The following NLRP2 variants were observed in gnomAD, a reference collection of about 807,000 sequenced individuals.
NLRP2 encodes NACHT, LRR and PYD domains-containing protein 2.
Under a neutral mutation model 97.2 loss-of-function variants are expected in NLRP2, and 107 were observed. The ratio of observed to expected loss-of-function variants is 1.10; its 90% confidence interval spans 0.94 to 1.29. NLRP2 has a LOEUF of 1.29. NLRP2 is among the 50% of genes most tolerant of loss of function. NLRP2 has a pLI of 0.00. For synonymous variants in NLRP2, 663 were observed against 551.5 expected (o/e 1.20, Z -2.83); for missense variants, 1,495 against 1,330.3 (o/e 1.12, Z -1.93).
At chr19:54,971,765 G>C (rs2070867973) in intron 2 of NLRP2, among the ~76,000 whole-genome samples, 1 of 152,024 alleles carries the variant, frequency 6.6e-6, no homozygotes, top group Non-Finnish European at 1.5e-5. Context: ...ACCAATCCTA[G>C]ATCAAAAATA....
chr19:54,982,903 G>A lies in NLRP2; in HGVS notation c.1205G>A (p.Trp402Ter). The A allele has an allele frequency of 1.2e-6, 2 of 1,613,152 alleles. No individual in the cohort carries two copies. Among genetic ancestry groups the A allele is most frequent in the South Asian group, 1.1e-5 (1 of 91,040 alleles). ...CTGGGCTCGGCCCCCGCGGTGTGCT[G>A]GATCGTGTGCACGACTCTGAAGCTG... ...FQLGSAPAVC[W>*]IVCTTLKLQM... Residue 402 changes from tryptophan (W) to a stop codon, truncating the protein, a stop_gained, in exon 6 of 13, where the codon TGG becomes TAG. Transcript: ENST00000448584. LOFTEE classifies it high-confidence loss of function.
intron 5 of NLRP2, 28 bp downstream of exon 5, chr19:54,981,710 C>T: frequency 8.1e-7 from 1 of 1,231,128 alleles, no homozygotes; most frequent in Non-Finnish European, 1.2e-6. Flanking sequence ...CTGCAGGGAG[C>T]TTGGGATCAG....
chr19:54,974,342 C>A, intron 2 of NLRP2, 158 bp from the exon 3 acceptor site: 1 of 709,038 alleles, frequency 1.4e-6, no homozygotes, highest in South Asian at 1.6e-5. Context: ...GAGTGACACT[C>A]TGTCTCAAAA....
In NLRP2 at chr19:54,994,804, T is replaced by G. The variant is rs531107639; in HGVS notation, c.2879+365T>G. 3.2e-4 allele frequency among the ~76,000 whole-genome samples: 49 copies of G among 151,524 alleles called. 1 individual carries two copies. The East Asian group carries it at 9.3e-3, about 29-fold the overall frequency. ...TCTTGTATTTTTAGTAGAGACAGGG[T>G]TTCGCCATGTTGAAGGTTCATCTCA... On this transcript the variant is annotated intron_variant, in intron 11 of 12. Transcript: ENST00000448584.
rs202152161 is a variant in NLRP2, at chr19:54,990,020, A to G, written c.2367-2A>G. ...AATGACGTGGTCCTATTTCTCCCAC[A>G]GGTTGGTGTCTTGTTCCGCTACCAC... On this transcript the variant is annotated splice_acceptor_variant, in intron 8 of 12. Coordinates refer to ENST00000448584, the MANE Select transcript of NLRP2 (RefSeq NM_017852.5). LOFTEE classifies it high-confidence loss of function. 8.1e-6 allele frequency: 13 copies of G among 1,612,500 alleles called. No homozygotes were observed.
chr19:54,982,725 G>A lies in NLRP2; in HGVS notation c.1027G>A (p.Asp343Asn). 1 of 1,614,070 alleles carries A rather than the reference G, an allele frequency of 6.2e-7. No homozygotes were observed. Among genetic ancestry groups the A allele is most frequent in the Non-Finnish European group, 8.5e-7 (1 of 1,179,970 alleles). The change falls in exon 6 of 13, where the codon GAC becomes AAC. Residue 343 changes from aspartate (D) to asparagine (N), a missense_variant. Transcript: ENST00000448584. Reference sequence around the variant, plus strand: ...CACCACGCGGCCCAGGGCCCTGAGGGACCTCCGGATCCTGGCGGAGGAGCC... The same window carrying A: ...CACCACGCGGCCCAGGGCCCTGAGGAACCTCCGGATCCTGGCGGAGGAGCC... ...LVTTRPRALR[D>N]LRILAEEPIY...
intron 12 of NLRP2, among the ~76,000 whole-genome samples, chr19:54,998,639 T>A (rs1377281559): frequency 8.1e-4 from 110 of 135,226 alleles, no homozygotes; most frequent in African/African-American, 3.1e-3. Flanking sequence ...TCCTTTTTTT[T>A]TTTTTTTTTT....
Position 54,982,666 on chromosome 19 carries a change from A to G in NLRP2, c.968A>G (p.Asn323Ser). ...CCCGTCCTCCTGGGGAGTTTGCTGAACAGGGTGATGTTACCCAAGGCCGCC... is the reference window on the plus strand; with the variant it reads ...CCCGTCCTCCTGGGGAGTTTGCTGAGCAGGGTGATGTTACCCAAGGCCGCC... ...PVPVLLGSLL[N>S]RVMLPKAALL... Residue 323 changes from asparagine to serine, a missense_variant, in exon 6 of 13, where the codon AAC (asparagine) becomes AGC (serine). Physicochemically the swap from Asn to Ser is conservative, Grantham distance 46. Transcript: ENST00000448584. 1 of 1,614,144 alleles carries G rather than the reference A, an allele frequency of 6.2e-7. No individual in the cohort carries two copies. The highest frequency in any genetic ancestry group is 8.5e-7 in the Non-Finnish European group (1 of 1,180,024).
chr19:54,993,108 T>A (rs2072594225), intron 10 of NLRP2: 1 of 151,042 alleles, frequency 6.6e-6, no homozygotes, highest in Non-Finnish European at 1.5e-5. Context: ...AATCCCAGCT[T>A]ACTTGGGAGG....
At chr19:54,986,055 G>A (rs1000013379) in intron 7 of NLRP2, 96 bp from the exon 8 acceptor site, 1 of 838,372 alleles carries the variant, frequency 1.2e-6, no homozygotes, top group Non-Finnish European at 2.0e-6. Flanking sequence ...GGAAAAAATA[G>A]TTCCTAAAGT....
intron 12 of NLRP2, among the ~76,000 whole-genome samples, chr19:54,998,611 CTTTTTTTTTTTTTTTTTTCCTTTTTT>C (rs1464777240): frequency 2.4e-5 from 1 of 42,198 alleles, no homozygotes; most frequent in African/African-American, 8.3e-5. Flanking sequence ...CATCTTTTTT[CTTTTTTTTTTTTTTTTTTCCTTTTTT>C]TTTTTTTTTT....
rs749933450 is a variant in NLRP2, at chr19:54,986,182, C to T, written c.2233C>T (p.Arg745Trp). 52 of 1,613,412 alleles carry T rather than the reference C, an allele frequency of 3.2e-5. No homozygotes were observed. Among genetic ancestry groups the T allele is most frequent in the African/African-American group, 5.3e-5 (4 of 74,904 alleles). Residue 745 changes from arginine (R) to tryptophan (W), a missense_variant, in exon 8 of 13, where the codon CGG becomes TGG. Arg to Trp is a moderately radical substitution (Grantham distance 101). Coordinates refer to ENST00000448584, the MANE Select transcript of NLRP2 (RefSeq NM_017852.5). Reference sequence around the variant, plus strand: ...AAACATTTCCCCAGCTGATGCTCATCGGAACCTCTGCCTAGCTCTTCGAGG... The same window carrying T: ...AAACATTTCCCCAGCTGATGCTCATTGGAACCTCTGCCTAGCTCTTCGAGG... ...FKNISPADAHRNLCLALRGHK... is the reference protein window; with the variant it reads ...FKNISPADAHWNLCLALRGHK...
intron 7 of NLRP2, 46 bp from the exon 8 acceptor site, chr19:54,986,105 A>C: frequency 7.9e-7 from 1 of 1,273,508 alleles, no homozygotes; most frequent in Non-Finnish European, 1.1e-6. Flanking sequence ...TAAGTACGAT[A>C]CAGGTGTACA....
chr19:54,995,681 A>C (rs1671133), intron 11 of NLRP2, among the ~76,000 whole-genome samples: 62,056 of 151,766 alleles, frequency 0.41, 13,030 homozygotes, highest in Middle Eastern at 0.53. Context: ...TCTTACAAAT[A>C]CCTTGTGAGT....
chr19:54,967,555 C>T (rs2070538784), intron 1 of NLRP2, among the ~76,000 whole-genome samples: 1 of 151,824 alleles, frequency 6.6e-6, no homozygotes, highest in Non-Finnish European at 1.5e-5. Flanking sequence ...TAGAGAGACT[C>T]TAGTTAAGGT....
chr19:54,990,107 C>A lies in NLRP2; in HGVS notation c.2452C>A (p.Leu818Ile). ...EVNQSLTCVN[L>I]SDNELLDEGA... ...CAACCAGTCCCTGACGTGCGTAAAC[C>A]TCTCCGACAATGAGCTTCTGGATGA... The change falls in exon 9 of 13, where the codon CTC (leucine) becomes ATC (isoleucine). Residue 818 changes from leucine to isoleucine, a missense_variant. Transcript: ENST00000448584. 6.2e-7 allele frequency: 1 copy of A among 1,614,156 alleles called. No homozygotes were observed.
intron 12 of NLRP2, among the ~76,000 whole-genome samples, chr19:55,000,329 T>G (rs2073111062): frequency 8.4e-6 from 1 of 118,696 alleles, no homozygotes; most frequent in Non-Finnish European, 1.6e-5. Flanking sequence ...CAGGCTGGAG[T>G]ACAGTGGCAC....
intron 3 of NLRP2, chr19:54,976,754 T>C (rs2071253647): frequency 2.3e-6 from 1 of 431,240 alleles, no homozygotes; most frequent in African/African-American, 2.1e-5. Context: ...GACTCACCTC[T>C]TCATTATCCA....
chr19:55,001,102 G>C lies in NLRP2; in HGVS notation c.*204G>C, dbSNP rs1057254181. 5.5e-6 allele frequency: 3 copies of C among 549,132 alleles called. No homozygotes were observed. The African/African-American group carries it at 5.7e-5, about 10-fold the overall frequency. 34.0% of individuals were successfully genotyped at this position (549,132 alleles called of 1,614,324 possible). ...TACATATGAAATATCTGTATCACGG[G>C]TATATTGAGAGAAATAAAGGTGAGA... On this transcript the variant is annotated 3_prime_UTR_variant, in exon 13 of 13. Coordinates refer to ENST00000448584, the MANE Select transcript of NLRP2 (RefSeq NM_017852.5).
Sources: allele counts gnomAD v4.1 joint callset (sites outside exome capture counted in the v4.1 genomes callset), GRCh38; gene constraint gnomAD v4.1.1; transcripts MANE v1.5; gene names NCBI Gene and HGNC (gene_info 2026-07-23, HGNC 2026-07-21).